TMTC1: variants seen among roughly 807,000 people sequenced by gnomAD.
TMTC1 encodes the protein transmembrane O-mannosyltransferase targeting cadherins 1, also known as protein O-mannosyl-transferase TMTC1.
A neutral mutation model predicts 104.8 loss-of-function variants in TMTC1; 73 were observed. The observed-to-expected ratio is 0.70, with a 90% CI of 0.58 to 0.85. TMTC1 has a LOEUF of 0.85. Among genes scored for constraint, TMTC1 ranks in the 40% least tolerant of loss-of-function variants. TMTC1 has a pLI of 0.00. For missense variants in TMTC1, 1,035 were observed against 1,096.1 expected, an observed-to-expected ratio of 0.94 and a Z score of 0.79; for synonymous variants, 434 against 428.7, an observed-to-expected ratio of 1.01 and a Z score of -0.15.
intron 5 of TMTC1, among the ~76,000 whole-genome samples, chr12:29,697,473 T>C (rs73273625): frequency 0.056 from 8,555 of 152,336 alleles, 332 homozygotes; most frequent in African/African-American, 0.11. Flanking sequence ...TTTCAAATCA[T>C]CTAGTCTATT....
intron 8 of TMTC1, among the ~76,000 whole-genome samples, chr12:29,578,955 C>G (rs572789995): frequency 6.6e-6 from 1 of 152,242 alleles, no homozygotes; most frequent in African/African-American, 2.4e-5. Flanking sequence ...GGCTAAGCAC[C>G]AGTTTCCATG....
At chr12:29,648,564 C>T (rs1202537029) in intron 5 of TMTC1, among the ~76,000 whole-genome samples, 2 of 152,130 alleles carry the variant, frequency 1.3e-5, no homozygotes, top group Non-Finnish European at 2.9e-5. Context: ...ACAGAGGCTG[C>T]AGAGAGTGCT....
chr12:29,611,177 C>G (rs370658165), intron 6 of TMTC1, among the ~76,000 whole-genome samples: 1 of 130,164 alleles, frequency 7.7e-6, no homozygotes, highest in African/African-American at 3.3e-5. Context: ...TTCTGAACTT[C>G]TTTTTTTTTT....
chr12:29,730,648 G>C (rs914135564), intron 5 of TMTC1, among the ~76,000 whole-genome samples: 3 of 152,128 alleles, frequency 2.0e-5, no homozygotes, highest in African/African-American at 7.2e-5. Flanking sequence ...CGAGCACTAA[G>C]ACAATTTAAT....
intron 5 of TMTC1, among the ~76,000 whole-genome samples, chr12:29,638,590 C>T (rs947569744): frequency 2.6e-5 from 4 of 152,112 alleles, no homozygotes; most frequent in Non-Finnish European, 4.4e-5. Context: ...TAACACAAGC[C>T]GCCTGCAGAC....
At chr12:29,664,730 A>C (rs762454307) in intron 5 of TMTC1, among the ~76,000 whole-genome samples, 3 of 152,250 alleles carry the variant, frequency 2.0e-5, no homozygotes, top group African/African-American at 4.8e-5. Context: ...TGGAAATAAT[A>C]CTTAACTATG....
intron 7 of TMTC1, among the ~76,000 whole-genome samples, chr12:29,597,426 C>T (rs1308891924): frequency 3.3e-5 from 5 of 151,750 alleles, no homozygotes. Flanking sequence ...ATGAGGATTG[C>T]TCATAACCTC....
chr12:29,557,242 T>C (rs1223037497), intron 9 of TMTC1, among the ~76,000 whole-genome samples: 1 of 152,232 alleles, frequency 6.6e-6, no homozygotes, highest in Non-Finnish European at 1.5e-5. Flanking sequence ...ATAAATAGTA[T>C]GTGGATCTAC....
chr12:29,597,242 C>CTTTT lies in TMTC1; in HGVS notation c.1250+6932_1250+6935dup, dbSNP rs36063501. Among the ~76,000 whole-genome samples the CTTTT allele has an allele frequency of 5.6e-3, 695 of 124,098 alleles. 5 individuals are homozygous for CTTTT. Among genetic ancestry groups the CTTTT allele is most frequent in the African/African-American group, 0.019 (660 of 34,012 alleles). 81.4% of individuals were successfully genotyped at this position (124,098 alleles called of 152,430 possible). ...TTCTTTTTCTTTCTTTCTTTTCTTTCTTTTTTTTTTTTTTTTGAGATAAGG... is the reference window on the plus strand; with the variant it reads ...TTCTTTTTCTTTCTTTCTTTTCTTTCTTTTTTTTTTTTTTTTTTTTGAGATAAGG... On this transcript the variant is annotated intron_variant, in intron 7 of 17. Transcript: ENST00000539277.
rs201694584 is a variant in TMTC1, at chr12:29,518,401, TTAAC to T, written c.2024+67_2024+70del. ...TATTCTGAGAGCACACCTATTCTGATTAACTAAGAAGCTGATGAGTGATTGCTGA... is the reference window on the plus strand; with the variant it reads ...TATTCTGAGAGCACACCTATTCTGATTAAGAAGCTGATGAGTGATTGCTGA... On this transcript the variant is annotated intron_variant, in intron 13 of 17. Transcript: ENST00000539277. 130 of 1,557,448 alleles carry T rather than the reference TTAAC, an allele frequency of 8.3e-5. 1 individual carries two copies. In the East Asian group the frequency reaches 2.2e-3, roughly 27 times the overall value.
At chr12:29,577,121 T>C (rs935349012) in intron 8 of TMTC1, among the ~76,000 whole-genome samples, 2 of 152,178 alleles carry the variant, frequency 1.3e-5, no homozygotes, top group Non-Finnish European at 2.9e-5. Context: ...GAAGGTTGTA[T>C]GTTTTTAAAT....
chr12:29,567,992 A>G (rs12810291), intron 9 of TMTC1, among the ~76,000 whole-genome samples: 28,677 of 152,152 alleles, frequency 0.19, 3,142 homozygotes, highest in East Asian at 0.38. Context: ...TCAATCCTTT[A>G]TTACTTTCTT....
chr12:29,534,939 T>G (rs1394138635), intron 11 of TMTC1: 2 of 152,170 alleles, frequency 1.3e-5, no homozygotes. Flanking sequence ...TCAGAAGACC[T>G]CTCTGATATA....
chr12:29,565,077 C>G (rs1945473372), intron 9 of TMTC1, among the ~76,000 whole-genome samples: 1 of 152,146 alleles, frequency 6.6e-6, no homozygotes, highest in South Asian at 2.1e-4. Flanking sequence ...TCCTAAGGAA[C>G]TGGCTCTCAT....
At chr12:29,779,667 T>C (rs1327081980) in intron 1 of TMTC1, among the ~76,000 whole-genome samples, 1 of 152,158 alleles carries the variant, frequency 6.6e-6, no homozygotes, top group Non-Finnish European at 1.5e-5. Context: ...GAATCAAAAA[T>C]CAACTTACAT....
chr12:29,557,537 G>A (rs1945276378), intron 9 of TMTC1, among the ~76,000 whole-genome samples: 1 of 152,198 alleles, frequency 6.6e-6, no homozygotes, highest in Admixed American at 6.5e-5. Flanking sequence ...TGCAACCCCC[G>A]CCTCCCAGGT....
intron 11 of TMTC1, among the ~76,000 whole-genome samples, chr12:29,524,121 G>T (rs1944267734): frequency 2.6e-5 from 4 of 152,158 alleles, no homozygotes; most frequent in Non-Finnish European, 5.9e-5. Flanking sequence ...ATTAAAGAGA[G>T]ACCATTTGAC....
chr12:29,701,262 C>T (rs550549351), intron 5 of TMTC1, among the ~76,000 whole-genome samples: 3 of 152,262 alleles, frequency 2.0e-5, no homozygotes, highest in South Asian at 2.1e-4. Flanking sequence ...CTTCCTGCTG[C>T]GGGAGTAAGA....
At chr12:29,763,133 G>A (rs1210779183) in intron 2 of TMTC1, among the ~76,000 whole-genome samples, 2 of 152,242 alleles carry the variant, frequency 1.3e-5, no homozygotes, top group African/African-American at 2.4e-5. Context: ...AAGGCGTCCT[G>A]CAGCCTGGCT....
Sources: allele counts gnomAD v4.1 joint callset (sites outside exome capture counted in the v4.1 genomes callset), GRCh38; gene constraint gnomAD v4.1.1; transcripts MANE v1.5; gene names NCBI Gene and HGNC (gene_info 2026-07-23, HGNC 2026-07-21).